The following ADAMTS12 variants were observed in gnomAD, a reference collection of about 807,000 sequenced individuals.
ADAMTS12 encodes ADAM metallopeptidase with thrombospondin type 1 motif 12.
In ADAMTS12, 118 loss-of-function variants were observed where a neutral mutation model predicts 167.8. The observed-to-expected ratio is 0.70, with a 90% CI of 0.61 to 0.82. ADAMTS12 has a LOEUF of 0.82. Ranked by LOEUF, ADAMTS12 falls within the 40% of genes least tolerant of loss-of-function variation. The pLI is 0.00. For missense variants in ADAMTS12, 1,916 were observed against 1,998.8 expected (o/e 0.96, Z 0.79); for synonymous variants, 704 against 716.9 (o/e 0.98, Z 0.29).
intron 5 of ADAMTS12, among the ~76,000 whole-genome samples, chr5:33,669,854 A>C (rs1246485437): frequency 1.3e-5 from 2 of 152,134 alleles, no homozygotes; most frequent in Non-Finnish European, 2.9e-5. Context: ...TACAAAAATT[A>C]ACTCAAAATG....
At chr5:33,757,506 C>A (rs1042869232) in intron 2 of ADAMTS12, among the ~76,000 whole-genome samples, 4 of 152,100 alleles carry the variant, frequency 2.6e-5, no homozygotes, top group African/African-American at 4.8e-5. Context: ...CCCTGAGAGC[C>A]CTGAAATATC....
chr5:33,856,002 G>A (rs1014412340), intron 2 of ADAMTS12, among the ~76,000 whole-genome samples: 6 of 152,230 alleles, frequency 3.9e-5, no homozygotes, highest in Non-Finnish European at 8.8e-5. Context: ...AAAGTGCTGG[G>A]ATTACCAGCA....
At position 33,849,571 on chromosome 5, in the gene ADAMTS12, G is replaced by GTA. The variant is rs1432235722; in HGVS notation, c.489+31547_489+31548insTA. Among the ~76,000 whole-genome samples, 148 of 97,130 alleles carry GTA rather than the reference G, an allele frequency of 1.5e-3. 4 individuals carry two copies. The highest frequency in any genetic ancestry group is 4.8e-3 in the African/African-American group (140 of 29,064). 63.7% of individuals were successfully genotyped at this position (97,130 alleles called of 152,430 possible). ...ATATGTACTGCATAGCAATACACATGTGTATTGCATAGCAATACACATATG... is the reference window on the plus strand; with the variant it reads ...ATATGTACTGCATAGCAATACACATGTATGTATTGCATAGCAATACACATATG... On this transcript the variant is annotated intron_variant, in intron 2 of 23. Transcript: ENST00000504830.
At chr5:33,793,324 A>C (rs1414337404) in intron 2 of ADAMTS12, among the ~76,000 whole-genome samples, 2 of 152,252 alleles carry the variant, frequency 1.3e-5, no homozygotes, top group East Asian at 3.8e-4. Context: ...CCCCCCAACA[A>C]AATGAGAATC....
At chr5:33,873,261 T>C (rs1750109049) in intron 2 of ADAMTS12, among the ~76,000 whole-genome samples, 1 of 151,802 alleles carries the variant, frequency 6.6e-6, no homozygotes, top group African/African-American at 2.4e-5. Flanking sequence ...GTTGTTTTAC[T>C]ATATACCAGC....
intron 2 of ADAMTS12, among the ~76,000 whole-genome samples, chr5:33,785,093 T>C (rs1746279488): frequency 6.6e-6 from 1 of 151,990 alleles, no homozygotes; most frequent in Admixed American, 6.6e-5. Context: ...TGGGAAAGGA[T>C]ATGAGGCTTT....
intron 7 of ADAMTS12, among the ~76,000 whole-genome samples, chr5:33,652,951 A>G (rs1740920421): frequency 6.6e-6 from 1 of 152,128 alleles, no homozygotes; most frequent in African/African-American, 2.4e-5. Context: ...CACATATACA[A>G]TGATGTTACT....
At chr5:33,742,159 C>T (rs981308098) in intron 3 of ADAMTS12, among the ~76,000 whole-genome samples, 2 of 152,014 alleles carry the variant, frequency 1.3e-5, no homozygotes, top group African/African-American at 2.4e-5. Flanking sequence ...CAATGACACA[C>T]AAAGCAATGT....
Position 33,782,650 on chromosome 5 carries a change from T to C in ADAMTS12, c.490-31102A>G, listed in dbSNP as rs1217073250. Among the ~76,000 whole-genome samples the C allele has an allele frequency of 3.9e-5, 6 of 151,952 alleles. No homozygotes were observed. The South Asian group carries it at 1.2e-3, about 32-fold the overall frequency. On this transcript the variant is annotated intron_variant, in intron 2 of 23. Transcript: ENST00000504830. ...AAAAGAGCTAGGTTGACTACATTAA[T>C]AACAAAAAATATTTTAAGGTAAGAA...
intron 17 of ADAMTS12, among the ~76,000 whole-genome samples, chr5:33,594,635 T>G (rs1402055212): frequency 1.3e-5 from 2 of 152,156 alleles, no homozygotes. Flanking sequence ...CATTTCTAGT[T>G]CTTCCTGGCA....
rs564185389 is a variant in ADAMTS12 at position 33,808,055 on chromosome 5, A to T, written c.490-56507T>A. Among the ~76,000 whole-genome samples the T allele has an allele frequency of 9.8e-5, 15 of 152,336 alleles. No homozygotes were observed. The South Asian group carries it at 2.9e-3, about 29-fold the overall frequency. On this transcript the variant is annotated intron_variant, in intron 2 of 23. Transcript: ENST00000504830. The stretch of plus-strand genomic sequence containing the variant: ...ATGAAGGACAGAAAGGTGGTAAGTG[A>T]TTCTTCAAAGTTCTCAAGGAAGGAG...
intron 20 of ADAMTS12, among the ~76,000 whole-genome samples, chr5:33,550,505 T>C (rs1231275052): frequency 6.6e-6 from 1 of 152,126 alleles, no homozygotes; most frequent in Non-Finnish European, 1.5e-5. Context: ...CCCAGGTTCT[T>C]CCCCAGGTTC....
chr5:33,881,147 G>A lies in ADAMTS12; in HGVS notation c.461C>T (p.Thr154Met), dbSNP rs117518215. 0.013 allele frequency: 20,666 copies of A among 1,613,908 alleles called. 557 individuals are homozygous for A. The highest frequency in any genetic ancestry group is 0.092 in the Middle Eastern group (542 of 5,916). ...TCCATGGCAGGCACTGAGGGCTGCC[G>A]TCCCAACTCTGGTGCCCTGCTGTAG... Reference protein sequence around the residue: ...TVLQQGTRVGTAALSACHGLT... With the variant: ...TVLQQGTRVGMAALSACHGLT... Residue 154 changes from threonine (T) to methionine (M), a missense_variant, in exon 2 of 24, where the codon ACG becomes ATG. Coordinates refer to ENST00000504830, the MANE Select transcript of ADAMTS12 (RefSeq NM_030955.4).
intron 20 of ADAMTS12, among the ~76,000 whole-genome samples, chr5:33,550,197 C>T (rs972243037): frequency 6.6e-6 from 1 of 152,242 alleles, no homozygotes; most frequent in South Asian, 2.1e-4. Flanking sequence ...GGGTCACCTA[C>T]AACCAAGTTT....
At chr5:33,888,799 T>C (rs1750739079) in intron 1 of ADAMTS12, among the ~76,000 whole-genome samples, 1 of 152,238 alleles carries the variant, frequency 6.6e-6, no homozygotes, top group Non-Finnish European at 1.5e-5. Flanking sequence ...TTTCCCGTTG[T>C]TCTGATACTT....
chr5:33,811,451 T>G (rs975171376), intron 2 of ADAMTS12, among the ~76,000 whole-genome samples: 1 of 152,080 alleles, frequency 6.6e-6, no homozygotes, highest in Non-Finnish European at 1.5e-5. Context: ...CTGAAAAGAC[T>G]TAAAAGGGGT....
At chr5:33,685,885 CCT>C (rs1461708847) in intron 3 of ADAMTS12, among the ~76,000 whole-genome samples, 4 of 152,062 alleles carry the variant, frequency 2.6e-5, no homozygotes, top group Non-Finnish European at 5.9e-5. Flanking sequence ...GCTTTTTGTC[CCT>C]GTTTTGAATC....
In ADAMTS12 at chr5:33,891,981, C is replaced by G; in HGVS notation, c.-125G>C. The stretch of plus-strand genomic sequence containing the variant: ...ATGGTCAGGCGCGAGAAGGCAGCGA[C>G]TGCAAAGCTGCCCGCGATCTCCCTG... On this transcript the variant is annotated 5_prime_UTR_variant, in exon 1 of 24. Coordinates refer to ENST00000504830, the MANE Select transcript of ADAMTS12 (RefSeq NM_030955.4). 8.3e-7 allele frequency: 1 copy of G among 1,207,818 alleles called. No individual in the cohort carries two copies. 74.8% of individuals were successfully genotyped at this position (1,207,818 alleles called of 1,614,324 possible).
At chr5:33,575,994 A>G in intron 19 of ADAMTS12, 60 bp downstream of exon 19, 2 of 1,534,130 alleles carry the variant, frequency 1.3e-6, no homozygotes, top group Non-Finnish European at 1.7e-6. Flanking sequence ...TTTTCACATG[A>G]ATTTAACACT....
Sources: allele counts gnomAD v4.1 joint callset (sites outside exome capture counted in the v4.1 genomes callset), GRCh38; gene constraint gnomAD v4.1.1; transcripts MANE v1.5; gene names NCBI Gene and HGNC (gene_info 2026-07-23, HGNC 2026-07-21).